CCDC7: variants seen among roughly 807,000 people sequenced by gnomAD.
CCDC7 encodes coiled-coil domain containing 7, also known as coiled-coil domain-containing protein 7.
In CCDC7, 183 loss-of-function variants were observed where a neutral mutation model predicts 196.9. The observed-to-expected ratio is 0.93, with a 90% CI of 0.82 to 1.05. The LOEUF (loss-of-function observed/expected upper bound fraction) is 1.05. Ranked by LOEUF, CCDC7 falls within the 50% of genes least tolerant of loss-of-function variation. The probability of loss-of-function intolerance (pLI) is 0.00; values close to 1 mark genes in which losing one functional copy is unlikely to be tolerated. For synonymous variants in CCDC7, 525 were observed against 484.6 expected (o/e 1.08, Z -1.10); for missense variants, 1,540 against 1,482.2 (o/e 1.04, Z -0.64).
chr10:32,624,925 T>TTCTCCCAG (rs2063803398), intron 18 of CCDC7, among the ~76,000 whole-genome samples: 1 of 151,760 alleles, frequency 6.6e-6, no homozygotes, highest in Non-Finnish European at 1.5e-5. Context: ...AATTTATGGT[T>TTCTCCCAG]TCTCCCAGTC....
At chr10:32,682,311 A>G (rs966182470) in intron 21 of CCDC7, among the ~76,000 whole-genome samples, 1 of 152,178 alleles carries the variant, frequency 6.6e-6, no homozygotes, top group Non-Finnish European at 1.5e-5. Context: ...TGTCCTTAGG[A>G]TAATTTCCTT....
chr10:32,874,688 TACAC>T (rs1565785159), intron 41 of CCDC7, among the ~76,000 whole-genome samples: 1 of 147,382 alleles, frequency 6.8e-6, no homozygotes, highest in Non-Finnish European at 1.5e-5. Context: ...CACACACACA[TACAC>T]ACATATGTAT....
intron 31 of CCDC7, among the ~76,000 whole-genome samples, chr10:32,819,565 C>T (rs1181474661): frequency 1.3e-5 from 2 of 152,136 alleles, no homozygotes; most frequent in Non-Finnish European, 1.5e-5. Context: ...CAAAAATCCT[C>T]AATAAAATAC....
intron 29 of CCDC7, among the ~76,000 whole-genome samples, chr10:32,798,971 G>T (rs1222377923): frequency 1.3e-5 from 2 of 152,134 alleles, no homozygotes; most frequent in African/African-American, 4.8e-5. Flanking sequence ...GCAGGAGTGG[G>T]GACCATGGGC....
intron 31 of CCDC7, among the ~76,000 whole-genome samples, chr10:32,818,617 A>G (rs1250649467): frequency 6.6e-6 from 1 of 152,248 alleles, no homozygotes; most frequent in Non-Finnish European, 1.5e-5. Context: ...ATGTAAAAGC[A>G]CAGAAATTAT....
downstream of CCDC7, among the ~76,000 whole-genome samples, chr10:32,881,617 T>C (rs1163101718): frequency 6.6e-6 from 1 of 152,138 alleles, no homozygotes; most frequent in Non-Finnish European, 1.5e-5. Context: ...AAAAGGCCTT[T>C]TGATTGCTGT....
chr10:32,535,710 G>T (rs758917928), intron 11 of CCDC7, among the ~76,000 whole-genome samples: 1 of 152,160 alleles, frequency 6.6e-6, no homozygotes, highest in Non-Finnish European at 1.5e-5. Context: ...TTCCTGTTTA[G>T]ACCTTTAAGA....
intron 20 of CCDC7, among the ~76,000 whole-genome samples, chr10:32,649,673 T>C (rs1024080746): frequency 2.6e-5 from 4 of 152,366 alleles, no homozygotes; most frequent in South Asian, 2.1e-4. Flanking sequence ...TTTGCCTTCT[T>C]ACATAATCCC....
chr10:32,518,994 C>T (rs938840758), intron 11 of CCDC7, among the ~76,000 whole-genome samples: 5 of 151,954 alleles, frequency 3.3e-5, no homozygotes, highest in African/African-American at 1.2e-4. Context: ...TAGAAGTGAA[C>T]TTTTATTAAC....
intron 28 of CCDC7, among the ~76,000 whole-genome samples, chr10:32,777,686 A>G (rs1344151740): frequency 2.0e-5 from 3 of 151,686 alleles, no homozygotes; most frequent in Non-Finnish European, 4.4e-5. Flanking sequence ...GTGAAACCCC[A>G]TCTCTACTAA....
At chr10:32,628,620 A>G in intron 18 of CCDC7, among the ~76,000 whole-genome samples, 1 of 151,690 alleles carries the variant, frequency 6.6e-6, no homozygotes, top group East Asian at 1.9e-4. Context: ...ATCTTTTTTG[A>G]TATAGACATT....
intron 28 of CCDC7, among the ~76,000 whole-genome samples, chr10:32,765,961 A>G (rs981687855): frequency 7.2e-5 from 11 of 152,226 alleles, no homozygotes; most frequent in Admixed American, 6.5e-4. Flanking sequence ...CCTTAAGGGT[A>G]TATCAGTTCT....
chr10:32,612,380 T>C (rs1484678154), intron 18 of CCDC7, among the ~76,000 whole-genome samples: 1 of 152,134 alleles, frequency 6.6e-6, no homozygotes, highest in African/African-American at 2.4e-5. Flanking sequence ...AGAATTTGAC[T>C]TCCTCTCATC....
At chr10:32,446,784 T>C (rs777471764), upstream of CCDC7, among the ~76,000 whole-genome samples, 4 of 152,206 alleles carry the variant, frequency 2.6e-5, no homozygotes, top group Non-Finnish European at 4.4e-5. Flanking sequence ...AAATATTTGC[T>C]TGCTAATACG....
At chr10:32,694,786 A>C in intron 23 of CCDC7, 93 bp from the exon 25 acceptor site, 3 of 649,312 alleles carry the variant, frequency 4.6e-6, no homozygotes, top group Non-Finnish European at 7.4e-6. Flanking sequence ...TCAAAATGAG[A>C]AAATTTTGCT....
Position 32,711,740 on chromosome 10 carries a change from A to T in CCDC7, c.2569+10A>T, listed in dbSNP as rs1391747898. ...GGAGAAGGACGTAGCAGTAAGTATA[A>T]TGATGATAGCTATTTTATATTATTT... On this transcript the variant is annotated intron_variant, in intron 25 of 41. Transcript: ENST00000639629. 14 of 1,429,728 alleles carry T rather than the reference A, an allele frequency of 9.8e-6. No individual in the cohort carries two copies. The highest frequency in any genetic ancestry group is 1.3e-5 in the Non-Finnish European group (14 of 1,046,118). 88.6% of individuals were successfully genotyped at this position (1,429,728 alleles called of 1,614,324 possible).
chr10:32,701,874 C>G (rs557217291), intron 24 of CCDC7, among the ~76,000 whole-genome samples: 1 of 152,058 alleles, frequency 6.6e-6, no homozygotes, highest in African/African-American at 2.4e-5. Flanking sequence ...TCCCCTTTAT[C>G]ATTTTTTATT....
At chr10:32,676,505 A>G (rs2075000838) in intron 21 of CCDC7, among the ~76,000 whole-genome samples, 2 of 151,916 alleles carry the variant, frequency 1.3e-5, no homozygotes. Flanking sequence ...TCTACAATGA[A>G]CTCAAACAAA....
At chr10:32,806,780 A>G (rs2085941922) in intron 30 of CCDC7, among the ~76,000 whole-genome samples, 1 of 152,214 alleles carries the variant, frequency 6.6e-6, no homozygotes, top group South Asian at 2.1e-4. Flanking sequence ...TCCAAGCTCA[A>G]TTAATTCTAA....
Sources: gnomAD v4.1 joint callset for allele counts (sites outside exome capture counted in the v4.1 genomes callset) on GRCh38, gnomAD v4.1.1 for gene constraint, MANE v1.5 for transcripts, NCBI Gene and HGNC (gene_info 2026-07-23, HGNC 2026-07-21) for gene names.